ATP10B: variants seen among roughly 807,000 people sequenced by gnomAD.
The protein encoded by ATP10B is phospholipid-transporting ATPase VB.
A neutral mutation model predicts 141.2 loss-of-function variants in ATP10B; 122 were observed. The observed-to-expected ratio is 0.86, with a 90% CI of 0.75 to 1.00. The LOEUF (loss-of-function observed/expected upper bound fraction) is 1.00. ATP10B is among the 50% of genes least tolerant of loss of function. The pLI, the probability that ATP10B is intolerant of heterozygous loss-of-function variation, is 0.00. For missense variants in ATP10B, 1,876 were observed against 1,825.3 expected (o/e 1.03, Z -0.51); for synonymous variants, 685 against 692.0 (o/e 0.99, Z 0.16).
chr5:160,815,676 T>G (rs1349257733), intron 1 of ATP10B, among the ~76,000 whole-genome samples: 2 of 152,296 alleles, frequency 1.3e-5, no homozygotes, highest in African/African-American at 4.8e-5. Context: ...AATAGACATC[T>G]ACAGAACTCT....
At chr5:160,679,544 G>T (rs1207327280) in intron 6 of ATP10B, among the ~76,000 whole-genome samples, 2 of 152,206 alleles carry the variant, frequency 1.3e-5, no homozygotes, top group Admixed American at 1.3e-4. Flanking sequence ...TGACGTTTCT[G>T]CAGGTGGGTG....
In ATP10B at chr5:160,652,756, CAT is replaced by C. The variant is rs1412168461; in HGVS notation, c.676-3502_676-3501del. Among the ~76,000 whole-genome samples, 9 of 103,796 alleles carry C rather than the reference CAT, an allele frequency of 8.7e-5. 1 individual carries two copies. Among genetic ancestry groups the C allele is most frequent in the African/African-American group, 3.5e-4 (9 of 25,414 alleles). The allele number at this position is 103,796 out of a possible 152,430, so 68.1% of individuals were successfully genotyped here. A position where few individuals can be genotyped will look rare whatever the true frequency, so the allele number is the denominator to read the frequency against. On this transcript the variant is annotated intron_variant, in intron 7 of 25. Transcript: ENST00000327245. Reference sequence around the variant, plus strand: ...CATATATTTATGTACTATACATGTACATATTATATACATAAATATAAATATAT... The same window carrying C: ...CATATATTTATGTACTATACATGTACATTATATACATAAATATAAATATAT...
chr5:160,607,082 G>T lies in ATP10B; in HGVS notation c.2843C>A (p.Thr948Asn). 1 of 1,611,550 alleles carries T rather than the reference G, an allele frequency of 6.2e-7. No individual in the cohort carries two copies. The change falls in exon 19 of 26, where the codon ACC (threonine) becomes AAC (asparagine). Residue 948 changes from threonine to asparagine, a missense_variant. Coordinates refer to ENST00000327245, the MANE Select transcript of ATP10B (RefSeq NM_025153.3). ...VYTINTENQE[T>N]CESILNCALE... is the part of the protein sequence containing the mutation. ...TGCACAATTGAGGATGGATTCACAG[G>T]TCTCCTATAAAGAAGCATAATAATA...
intron 1 of ATP10B, among the ~76,000 whole-genome samples, chr5:160,787,105 GACACACACACACACACACACACAC>G (rs58517660): frequency 2.7e-4 from 36 of 133,568 alleles, no homozygotes; most frequent in Admixed American, 7.5e-5. Flanking sequence ...TTTTGACACA[GACACACACACACACACACACACAC>G]ACACACACAC....
intron 2 of ATP10B, among the ~76,000 whole-genome samples, chr5:160,733,665 T>TTA (rs34394968): frequency 5.9e-4 from 88 of 148,456 alleles, no homozygotes; most frequent in Non-Finnish European, 9.5e-4. Context: ...ATATGTAACG[T>TTA]TATATATATA....
chr5:160,726,115 C>T (rs1309519326), intron 2 of ATP10B, among the ~76,000 whole-genome samples: 1 of 152,146 alleles, frequency 6.6e-6, no homozygotes, highest in African/African-American at 2.4e-5. Flanking sequence ...GAGCCTAACT[C>T]AGGGTGGTGC....
intron 1 of ATP10B, among the ~76,000 whole-genome samples, chr5:160,830,970 AACACACAC>A (rs779765993): frequency 2.8e-5 from 2 of 70,604 alleles, no homozygotes; most frequent in African/African-American, 4.1e-5. Context: ...TACATACACA[AACACACAC>A]ACACACACAC....
At chr5:160,591,908 G>T (rs1157909363) in intron 22 of ATP10B, among the ~76,000 whole-genome samples, 1 of 152,148 alleles carries the variant, frequency 6.6e-6, no homozygotes, top group East Asian at 1.9e-4. Flanking sequence ...GCTAACAACT[G>T]GGCTTGCTGT....
intron 1 of ATP10B, among the ~76,000 whole-genome samples, chr5:160,812,008 CAGAGACAGAGACAGAGAGAG>C (rs1366067827): frequency 1.2e-4 from 8 of 67,380 alleles, no homozygotes; most frequent in Admixed American, 5.9e-4. Context: ...GAGACAGAGA[CAGAGACAGAGACAGAGAGAG>C]AGAGAGAGAG....
In ATP10B at chr5:160,565,371, C is replaced by T; in HGVS notation, c.*82G>A. 1 of 1,363,856 alleles carries T rather than the reference C, an allele frequency of 7.3e-7. No homozygotes were observed. Among genetic ancestry groups the T allele is most frequent in the Non-Finnish European group, 1.0e-6 (1 of 978,236 alleles). The allele number at this position is 1,363,856 out of a possible 1,614,324, so 84.5% of individuals were successfully genotyped here. On this transcript the variant is annotated 3_prime_UTR_variant, in exon 26 of 26. Transcript: ENST00000327245. ...GAATAAGACTGGCACATTGTTTCCT[C>T]TATGAAGAAGAAGGGGTCAAGGGTT...
intron 7 of ATP10B, among the ~76,000 whole-genome samples, chr5:160,652,946 TA>T (rs1760966869): frequency 6.0e-5 from 5 of 83,332 alleles, no homozygotes; most frequent in Admixed American, 1.8e-4. Context: ...CATGTATATA[TA>T]ATATATTATA....
At chr5:160,672,034 T>C (rs1212125742) in intron 6 of ATP10B, among the ~76,000 whole-genome samples, 1 of 133,628 alleles carries the variant, frequency 7.5e-6, no homozygotes, top group African/African-American at 2.8e-5. Flanking sequence ...TGGAGTGCAG[T>C]CGTACGATCT....
chr5:160,921,343 CTTTT>C, the ATP10B span, among the ~76,000 whole-genome samples: 1 of 150,658 alleles, frequency 6.6e-6, no homozygotes, highest in Non-Finnish European at 1.5e-5. Flanking sequence ...CTGCCTCATT[CTTTT>C]TTATTGTGGT....
At chr5:160,603,455 A>G (rs1023279556) in intron 20 of ATP10B, among the ~76,000 whole-genome samples, 1 of 152,230 alleles carries the variant, frequency 6.6e-6, no homozygotes, top group African/African-American at 2.4e-5. Flanking sequence ...CAATTTTTTT[A>G]AAGCTCATCA....
Position 160,724,168 on chromosome 5 carries a change from G to A in ATP10B, c.-330-7134C>T, listed in dbSNP as rs1475510847. Among the ~76,000 whole-genome samples the A allele has an allele frequency of 2.6e-5, 4 of 151,796 alleles. No individual in the cohort carries two copies. The East Asian group carries it at 7.7e-4, about 29-fold the overall frequency. On this transcript the variant is annotated intron_variant, in intron 2 of 25. Transcript: ENST00000327245. ...AGGGAGAGGATCAGGAAAAATAATG[G>A]GTATTAGGCTTAGTACATGGGTAAT...
chr5:160,872,124 T>C, the ATP10B span, among the ~76,000 whole-genome samples: 2 of 152,192 alleles, frequency 1.3e-5, no homozygotes, highest in Admixed American at 6.5e-5. Context: ...GATTTTGGTT[T>C]GCACTTCTCT....
At chr5:160,768,855 A>C (rs553882771) in intron 2 of ATP10B, among the ~76,000 whole-genome samples, 2 of 152,318 alleles carry the variant, frequency 1.3e-5, no homozygotes, top group African/African-American at 4.8e-5. Context: ...GAGAACACAC[A>C]GTATGTTGGA....
At chr5:160,826,319 C>T (rs1040619643) in intron 1 of ATP10B, among the ~76,000 whole-genome samples, 15 of 152,026 alleles carry the variant, frequency 9.9e-5, no homozygotes, top group Admixed American at 2.0e-4. Context: ...TCAGGGACCC[C>T]GAACAGAAGG....
At chr5:160,855,105 G>A (rs1447680511), upstream of ATP10B, among the ~76,000 whole-genome samples, 2 of 152,062 alleles carry the variant, frequency 1.3e-5, no homozygotes, top group African/African-American at 4.8e-5. Flanking sequence ...ACAGACAGAA[G>A]TTTAATTCCT....
Sources: allele counts gnomAD v4.1 joint callset (sites outside exome capture counted in the v4.1 genomes callset), GRCh38; gene constraint gnomAD v4.1.1; transcripts MANE v1.5; gene names NCBI Gene and HGNC (gene_info 2026-07-23, HGNC 2026-07-21).